Variants in ST14 observed in about 807,000 individuals in gnomAD.
ST14 encodes ST14 transmembrane serine protease matriptase.
In ST14, 40 loss-of-function variants were observed where a neutral mutation model predicts 96.5. The ratio of observed to expected loss-of-function variants is 0.41; its 90% CI spans 0.32 to 0.54. ST14 has a LOEUF of 0.54. Ranked by LOEUF, ST14 falls within the 20% of genes least tolerant of loss-of-function variation. ST14 has a pLI of 0.17. For synonymous variants in ST14, 506 were observed against 492.1 expected (o/e 1.03, Z -0.37); for missense variants, 1,066 against 1,188.9 (o/e 0.90, Z 1.52).
At chr11:130,209,359 G>T in intron 17 of ST14, 83 bp from the exon 18 acceptor site, 1 of 1,533,298 alleles carries the variant, frequency 6.5e-7, no homozygotes, top group South Asian at 1.2e-5. Flanking sequence ...GAGTTTTCTA[G>T]TCCAATGACC....
rs543443100 is a variant in ST14, at chr11:130,169,197, C to T, written c.81+9137C>T. On this transcript the variant is annotated intron_variant, in intron 1 of 18. Coordinates refer to ENST00000278742, the MANE Select transcript of ST14 (RefSeq NM_021978.4). ...GCAACCTCCGCCTCCCTGGTTCAAG[C>T]GATTCTCCTGCCTCAGCCTCCCGAG... Among the ~76,000 whole-genome samples the T allele has an allele frequency of 2.3e-3, 345 of 147,196 alleles. 1 individual carries two copies. Among genetic ancestry groups the T allele is most frequent in the Middle Eastern group, 0.021 (6 of 288 alleles).
In ST14 at chr11:130,200,061, A is replaced by G; in HGVS notation, c.1918A>G (p.Ile640Val). 1 of 1,614,214 alleles carries G rather than the reference A, an allele frequency of 6.2e-7. No homozygotes were observed. Among genetic ancestry groups the G allele is most frequent in the Admixed American group, 1.7e-5 (1 of 60,026 alleles). ...CCTGCATGCTCTGGGCCAGGGCCAC[A>G]TCTGCGGTGCTTCCCTCATCTCTCC... ...VSLHALGQGHICGASLISPNW... is the reference protein window; with the variant it reads ...VSLHALGQGHVCGASLISPNW... The change falls in exon 16 of 19, where the codon ATC (isoleucine) becomes GTC (valine). Residue 640 changes from isoleucine (I) to valine (V), a missense_variant. Physicochemically the swap from Ile to Val is conservative, Grantham distance 29. Transcript: ENST00000278742.
chr11:130,160,195 G>T (rs1310214303), intron 1 of ST14, 135 bp downstream of exon 1: 4 of 578,714 alleles, frequency 6.9e-6, no homozygotes, highest in Non-Finnish European at 1.0e-5. Context: ...GGAATTTCCT[G>T]TTCAGCGGGT....
chr11:130,204,540 G>C (rs113705722), intron 16 of ST14, among the ~76,000 whole-genome samples: 1 of 152,164 alleles, frequency 6.6e-6, no homozygotes, highest in South Asian at 2.1e-4. Flanking sequence ...GGCCTGGCGC[G>C]GTGGCTCATG....
intron 1 of ST14, among the ~76,000 whole-genome samples, chr11:130,175,696 C>T (rs1327629601): frequency 7.3e-6 from 1 of 136,340 alleles, no homozygotes; most frequent in East Asian, 2.3e-4. Flanking sequence ...GAGTCTCACT[C>T]TTTCTTGCCC....
chr11:130,185,970 G>T (rs1163647677), intron 1 of ST14, among the ~76,000 whole-genome samples: 1 of 152,054 alleles, frequency 6.6e-6, no homozygotes. Flanking sequence ...ACCGCGCCTG[G>T]CTAATTTTTG....
chr11:130,161,396 C>A, intron 1 of ST14, among the ~76,000 whole-genome samples: 1 of 152,196 alleles, frequency 6.6e-6, no homozygotes, highest in East Asian at 1.9e-4. Context: ...AGAGAACCTG[C>A]TGTTTGGAAT....
Position 130,209,769 on chromosome 11 carries a change from G to A in ST14, c.2514G>A (p.Val838=). The part of the protein sequence containing the change: ...DGCAQRNKPG[V]YTRLPLFRDW... ...GCGCTCAGAGGAACAAGCCAGGCGT[G>A]TACACAAGGCTCCCTCTGTTTCGGG... The change falls in exon 19 of 19, where the codon GTG becomes GTA. Residue 838 remains valine (V), a synonymous_variant. Transcript: ENST00000278742. The A allele has an allele frequency of 6.2e-7, 1 of 1,614,048 alleles. No individual in the cohort carries two copies. Among genetic ancestry groups the A allele is most frequent in the South Asian group, 1.1e-5 (1 of 91,090 alleles).
intron 1 of ST14, among the ~76,000 whole-genome samples, chr11:130,170,410 G>C (rs554814989): frequency 6.6e-6 from 1 of 152,254 alleles, no homozygotes; most frequent in East Asian, 1.9e-4. Context: ...GAGGGTGGAG[G>C]GGGAGGGAGA....
intron 1 of ST14, among the ~76,000 whole-genome samples, chr11:130,177,807 C>T (rs538013002): frequency 6.6e-5 from 10 of 152,346 alleles, no homozygotes; most frequent in Middle Eastern, 3.4e-3. Flanking sequence ...TTTTTTCAAA[C>T]GGCTTGATTT....
chr11:130,177,809 G>A (rs1953154961), intron 1 of ST14, among the ~76,000 whole-genome samples: 1 of 152,232 alleles, frequency 6.6e-6, no homozygotes, highest in Non-Finnish European at 1.5e-5. Flanking sequence ...TTTTCAAACG[G>A]CTTGATTTCT....
At chr11:130,167,301 A>T (rs56204448) in intron 1 of ST14, among the ~76,000 whole-genome samples, 5,753 of 152,284 alleles carry the variant, frequency 0.038, 218 homozygotes, top group Admixed American at 0.11. Context: ...TTCTAAAAAA[A>T]TTTTTTTCCT....
At position 130,194,288 on chromosome 11, in the gene ST14, A is replaced by C. The variant is rs1443122128; in HGVS notation, c.1015A>C (p.Ser339Arg). The change falls in exon 8 of 19, where the codon AGC becomes CGC. Residue 339 changes from serine (S) to arginine (R), a missense_variant and splice_region_variant. Ser to Arg is a moderately radical substitution (Grantham distance 110). Transcript: ENST00000278742. ...CTTCTTCCAGCTGCCTAGGATGAGC[A>C]GTAAGGAAGGGCAGGGCAGGGCGGG... ...ATFFQLPRMS[S>R]CGGRLRKAQG... is the part of the protein sequence containing the mutation. 1 of 1,614,054 alleles carries C rather than the reference A, an allele frequency of 6.2e-7. No homozygotes were observed. Among genetic ancestry groups the C allele is most frequent in the Non-Finnish European group, 8.5e-7 (1 of 1,180,024 alleles).
chr11:130,168,545 G>A (rs1357615388), intron 1 of ST14, among the ~76,000 whole-genome samples: 1 of 152,156 alleles, frequency 6.6e-6, no homozygotes, highest in Non-Finnish European at 1.5e-5. Context: ...TTGGTGGAAG[G>A]AAGAGCTTCC....
intron 1 of ST14, among the ~76,000 whole-genome samples, chr11:130,172,805 G>A (rs1305859912): frequency 1.3e-5 from 2 of 152,146 alleles, no homozygotes; most frequent in Non-Finnish European, 2.9e-5. Context: ...TGGATGCCGT[G>A]TTTATTTATT....
chr11:130,178,087 C>A (rs1457311087), intron 1 of ST14, among the ~76,000 whole-genome samples: 1 of 152,226 alleles, frequency 6.6e-6, no homozygotes, highest in African/African-American at 2.4e-5. Context: ...CCACTCCAGT[C>A]AATATTGCAA....
intron 1 of ST14, among the ~76,000 whole-genome samples, chr11:130,169,105 T>C: frequency 6.9e-6 from 1 of 144,432 alleles, no homozygotes; most frequent in East Asian, 2.0e-4. Context: ...TTTTTTTTTT[T>C]TTTTTTTTTG....
intron 7 of ST14, among the ~76,000 whole-genome samples, chr11:130,191,183 A>G (rs1257043485): frequency 6.6e-6 from 1 of 151,962 alleles, no homozygotes; most frequent in Non-Finnish European, 1.5e-5. Context: ...CTGCCTCTAT[A>G]AAAAATAAAA....
chr11:130,171,939 G>C (rs923931602), intron 1 of ST14, among the ~76,000 whole-genome samples: 6 of 152,208 alleles, frequency 3.9e-5, no homozygotes, highest in African/African-American at 1.2e-4. Flanking sequence ...AGACCCTCCT[G>C]CCCTGGCCTG....
Sources: gnomAD v4.1 joint callset for allele counts (sites outside exome capture counted in the v4.1 genomes callset) on GRCh38, gnomAD v4.1.1 for gene constraint, MANE v1.5 for transcripts, NCBI Gene and HGNC (gene_info 2026-07-23, HGNC 2026-07-21) for gene names.